LRP2: variants seen among roughly 807,000 people sequenced by gnomAD.
LRP2 encodes LDL receptor related protein 2.
Under a neutral mutation model 531.0 loss-of-function variants are expected in LRP2, and 172 were observed. That is an observed-to-expected ratio of 0.32 (90% CI 0.29 to 0.37). The LOEUF is 0.37. LRP2 is among the 10% of genes least tolerant of loss of function. The pLI, the probability that LRP2 is intolerant of heterozygous loss-of-function variation, is 1.00. For missense variants in LRP2, 5,167 were observed against 5,868.3 expected (o/e 0.88, Z 3.90); for synonymous variants, 1,992 against 2,027.6 (o/e 0.98, Z 0.47).
At position 169,290,934 on chromosome 2, in the gene LRP2, C is replaced by G. The variant is rs1489153908; in HGVS notation, c.833G>C (p.Arg278Pro). Residue 278 changes from arginine to proline, a missense_variant, in exon 8 of 79, where the codon CGA becomes CCA. By Grantham distance (103) the Arg-to-Pro change is moderately radical. Coordinates refer to ENST00000649046, the MANE Select transcript of LRP2 (RefSeq NM_004525.3). The part of the protein sequence containing the change: ...PREWSCPESG[R>P]CISIYKVCDG... ...ACAAACTTTATAAATGGAGATGCAT[C>G]GTCCCGACTCTGGGCAAGACCATTC... The G allele has an allele frequency of 3.1e-6, 5 of 1,613,944 alleles. No individual in the cohort carries two copies. In the African/African-American group the frequency reaches 6.7e-5, roughly 22 times the overall value.
At chr2:169,361,352 C>CTCTCTCTG (rs1315977889) in intron 1 of LRP2, among the ~76,000 whole-genome samples, 1,299 of 83,562 alleles carry the variant, frequency 0.016, 23 homozygotes, top group Non-Finnish European at 0.023. Flanking sequence ...CTCTCTCTGT[C>CTCTCTCTG]TCTCTCTCTC....
rs2105378555 is a variant in LRP2, at chr2:169,238,086, C to T, written c.4506+5G>A. On this transcript the variant is annotated splice_donor_5th_base_variant and intron_variant, in intron 27 of 78. Transcript: ENST00000649046. ...CAGGCCAAAGGTCAACAGAAATGTA[C>T]TTACCACTCTTCTGTCCGTTCCATT... The T allele has an allele frequency of 6.2e-7, 1 of 1,612,922 alleles. No homozygotes were observed. The highest frequency in any genetic ancestry group is 8.5e-7 in the Non-Finnish European group (1 of 1,178,898).
In LRP2 at chr2:169,290,996, T is replaced by C. The variant is rs1335085763; in HGVS notation, c.771A>G (p.Glu257=). The stretch of plus-strand genomic sequence containing the variant: ...ATTTATGAACATCATGAGGACCGCT[T>C]TCTGTGGGGGGAAAAAGAGAGAGTT... ...CKDNGDEDGC[E]SGPHDVHKCS... The change falls in exon 8 of 79, where the codon GAA becomes GAG. Residue 257 remains glutamate, a splice_region_variant and synonymous_variant. Coordinates refer to ENST00000649046, the MANE Select transcript of LRP2 (RefSeq NM_004525.3). The C allele has an allele frequency of 4.3e-6, 7 of 1,613,898 alleles. No homozygotes were observed. Among genetic ancestry groups the C allele is most frequent in the South Asian group, 1.1e-5 (1 of 91,050 alleles).
At position 169,239,545 on chromosome 2, in the gene LRP2, T is replaced by C. The variant is rs1468106877; in HGVS notation, c.4276A>G (p.Arg1426Gly). 3 of 1,613,936 alleles carry C rather than the reference T, an allele frequency of 1.9e-6. No homozygotes were observed. The African/African-American group carries it at 4.0e-5, about 22-fold the overall frequency. ...DTGYMLESDG[R>G]TCKVTASESL... ...CAATTACCTGTAACTTTGCAAGTCC[T>C]CCCATCACTTTCTAACATGTAGCCT... The change falls in exon 26 of 79, where the codon AGG becomes GGG. Residue 1426 changes from arginine to glycine, a missense_variant. By Grantham distance (125) the Arg-to-Gly change is moderately radical. Around this residue, in one of 6 missense-constraint regions of LRP2, gnomAD observed 2,811 missense variants for 3,058.0 expected, o/e 0.92. Coordinates refer to ENST00000649046, the MANE Select transcript of LRP2 (RefSeq NM_004525.3).
intron 3 of LRP2, among the ~76,000 whole-genome samples, chr2:169,309,580 T>A (rs1230290407): frequency 6.6e-6 from 1 of 152,172 alleles, no homozygotes; most frequent in African/African-American, 2.4e-5. Flanking sequence ...TCCATTGGTC[T>A]ATATCTGTGT....
At chr2:169,273,456 T>A (rs1683474950) in intron 14 of LRP2, among the ~76,000 whole-genome samples, 1 of 152,190 alleles carries the variant, frequency 6.6e-6, no homozygotes. Flanking sequence ...GCTTACTTTG[T>A]AAGTAAACCA....
rs555829769 is a variant in LRP2, at chr2:169,334,882, C to T, written c.80-13998G>A. Among the ~76,000 whole-genome samples, 8 of 152,324 alleles carry T rather than the reference C, an allele frequency of 5.3e-5. No individual in the cohort carries two copies. The East Asian group carries it at 7.7e-4, about 15-fold the overall frequency. ...TCTGGCACAATGCCTGAAGCACAGC[C>T]GTCCCTCCATGAAGGGTGGTTCCTT... On this transcript the variant is annotated intron_variant, in intron 1 of 78. Coordinates refer to ENST00000649046, the MANE Select transcript of LRP2 (RefSeq NM_004525.3).
At chr2:169,213,228 G>T (rs1039083238) in intron 36 of LRP2, among the ~76,000 whole-genome samples, 3 of 152,172 alleles carry the variant, frequency 2.0e-5, no homozygotes, top group Non-Finnish European at 4.4e-5. Flanking sequence ...CACTTTCCCA[G>T]CAGGCATCCA....
chr2:169,307,129 C>A (rs1342489045), intron 4 of LRP2, 152 bp downstream of exon 4: 1 of 694,988 alleles, frequency 1.4e-6, no homozygotes, highest in Non-Finnish European at 2.7e-6. Flanking sequence ...CAGAACATCA[C>A]CCCTAATCCA....
At chr2:169,162,182 C>T (rs184637309) in intron 63 of LRP2, among the ~76,000 whole-genome samples, 1 of 152,206 alleles carries the variant, frequency 6.6e-6, no homozygotes, top group Non-Finnish European at 1.5e-5. Context: ...CTCTTAATGA[C>T]AGTAAGACCT....
chr2:169,257,109 A>T lies in LRP2; in HGVS notation c.2639+15T>A. 6 of 1,612,258 alleles carry T rather than the reference A, an allele frequency of 3.7e-6. No homozygotes were observed. The highest frequency in any genetic ancestry group is 5.1e-6 in the Non-Finnish European group (6 of 1,178,712). On this transcript the variant is annotated intron_variant, in intron 18 of 78. Coordinates refer to ENST00000649046, the MANE Select transcript of LRP2 (RefSeq NM_004525.3). ...AAAAGAGAACTAAGTATCGGGGATG[A>T]TGATTCCTACTTACGCCCAATCGAT...
intron 60 of LRP2, among the ~76,000 whole-genome samples, 195 bp from the exon 61 acceptor site, chr2:169,168,871 T>G (rs780827202): frequency 2.0e-5 from 3 of 152,208 alleles, no homozygotes; most frequent in Non-Finnish European, 4.4e-5. Flanking sequence ...CCAGTCAGTT[T>G]CCAATGGCAT....
At chr2:169,356,738 C>T (rs1410122961) in intron 1 of LRP2, among the ~76,000 whole-genome samples, 1 of 152,212 alleles carries the variant, frequency 6.6e-6, no homozygotes, top group African/African-American at 2.4e-5. Flanking sequence ...ATGCTCTTGA[C>T]ATTTCAAAAC....
chr2:169,271,516 TATAA>T (rs1297199273), intron 15 of LRP2, among the ~76,000 whole-genome samples: 1 of 151,682 alleles, frequency 6.6e-6, no homozygotes, highest in Non-Finnish European at 1.5e-5. Context: ...AGTAAAATAG[TATAA>T]ATAAATAAAA....
rs769227072 is a variant in LRP2 at position 169,239,548 on chromosome 2, C to A, written c.4273G>T (p.Gly1425Trp). The A allele has an allele frequency of 6.2e-7, 1 of 1,614,024 alleles. No individual in the cohort carries two copies. Among genetic ancestry groups the A allele is most frequent in the Non-Finnish European group, 8.5e-7 (1 of 1,179,918 alleles). ...CDTGYMLESD[G>W]RTCKVTASES... ...TTACCTGTAACTTTGCAAGTCCTCC[C>A]ATCACTTTCTAACATGTAGCCTGTA... Residue 1425 changes from glycine to tryptophan, a missense_variant, in exon 26 of 79, where the codon GGG becomes TGG. This residue lies in a region of LRP2 where 2,811 missense variants were observed against 3,058.0 expected (regional missense o/e 0.92). Coordinates refer to ENST00000649046, the MANE Select transcript of LRP2 (RefSeq NM_004525.3).
At position 169,279,529 on chromosome 2, in the gene LRP2, C is replaced by T; in HGVS notation, c.1408G>A (p.Glu470Lys). 1.2e-6 allele frequency: 2 copies of T among 1,613,956 alleles called. No individual in the cohort carries two copies. Among genetic ancestry groups the T allele is most frequent in the South Asian group, 2.2e-5 (2 of 91,078 alleles). Residue 470 changes from glutamate (E) to lysine (K), a missense_variant, in exon 12 of 79, where the codon GAG (glutamate) becomes AAG (lysine). Glu to Lys is a moderately conservative substitution (Grantham distance 56, BLOSUM62 1). This residue lies in a region of LRP2 where 2,811 missense variants were observed against 3,058.0 expected (regional missense o/e 0.92). Transcript: ENST00000649046. ...EVLNVSVETP[E>K]NLAVDWVNNK... is the part of the protein sequence containing the mutation. ...TTAACCCAGTCCACAGCCAGGTTCT[C>T]TGGGGTTTCAACAGAAACATTGAGA...
At chr2:169,175,570 G>C (rs978974830) in intron 54 of LRP2, among the ~76,000 whole-genome samples, 181 bp from the exon 55 acceptor site, 6 of 152,056 alleles carry the variant, frequency 3.9e-5, no homozygotes, top group African/African-American at 1.4e-4. Flanking sequence ...AACTTGGCAA[G>C]ATAGAACAGG....
chr2:169,265,398 T>A (rs1238714818), intron 16 of LRP2, among the ~76,000 whole-genome samples: 1 of 152,016 alleles, frequency 6.6e-6, no homozygotes, highest in Non-Finnish European at 1.5e-5. Flanking sequence ...AACCTCACCC[T>A]TAATACCAAA....
At chr2:169,357,289 TTTTTATTTTATTTTA>T (rs148875655) in intron 1 of LRP2, among the ~76,000 whole-genome samples, 39,410 of 116,622 alleles carry the variant, frequency 0.34, 6,047 homozygotes, top group South Asian at 0.49. Flanking sequence ...TTTTTATTTA[TTTTTATTTTATTTTA>T]TTTTATTTTA....
Sources: allele counts gnomAD v4.1 joint callset (sites outside exome capture counted in the v4.1 genomes callset), GRCh38; gene constraint gnomAD v4.1.1; regional missense constraint gnomAD v4.1.1; transcripts MANE v1.5; gene names NCBI Gene and HGNC (gene_info 2026-07-23, HGNC 2026-07-21).